The following KIF6 variants were observed in gnomAD, a reference collection of about 807,000 sequenced individuals.
KIF6 encodes the protein kinesin family member 6.
Under a neutral mutation model 112.7 loss-of-function variants are expected in KIF6, and 106 were observed. That is an observed-to-expected ratio of 0.94 (90% CI 0.80 to 1.11). The LOEUF (loss-of-function observed/expected upper bound fraction) is 1.11, where lower values mean the gene tolerates loss of function less well. KIF6 is among the 50% of genes least tolerant of loss of function. The probability of loss-of-function intolerance (pLI) is 0.00; values close to 1 mark genes in which losing one functional copy is unlikely to be tolerated. For missense variants in KIF6, 929 were observed against 964.0 expected, an observed-to-expected ratio of 0.96 and a Z score of 0.48; for synonymous variants, 339 against 339.9, an observed-to-expected ratio of 1.00 and a Z score of 0.03.
intron 5 of KIF6, among the ~76,000 whole-genome samples, chr6:39,632,225 C>T (rs1433988189): frequency 6.6e-6 from 1 of 152,044 alleles, no homozygotes; most frequent in African/African-American, 2.4e-5. Flanking sequence ...AGAAGAGCGT[C>T]TCGCAGGTGA....
rs1561838543 is a variant in KIF6, at chr6:39,586,358, C to T, written c.893G>A (p.Arg298Lys). 1 of 1,614,070 alleles carries T rather than the reference C, an allele frequency of 6.2e-7. No homozygotes were observed. The highest frequency in any genetic ancestry group is 2.2e-5 in the East Asian group (1 of 44,878). The change falls in exon 8 of 23, where the codon AGA becomes AAA. Residue 298 changes from arginine (R) to lysine (K), a missense_variant. Transcript: ENST00000287152. ...SEKHRSHIPY[R>K]NSMMTSVLRD... ...TAGGACACTGGTCATCATGGAGTTTCTATAAGGAATGTGCGAACGGTGCTT... is the reference window on the plus strand; with the variant it reads ...TAGGACACTGGTCATCATGGAGTTTTTATAAGGAATGTGCGAACGGTGCTT...
chr6:39,671,173 G>A (rs1786795341), intron 3 of KIF6, among the ~76,000 whole-genome samples: 1 of 152,166 alleles, frequency 6.6e-6, no homozygotes, highest in African/African-American at 2.4e-5. Context: ...AAGCCAAAAA[G>A]GAAGAGTGAT....
chr6:39,361,777 G>A (rs1191014475), intron 17 of KIF6, among the ~76,000 whole-genome samples: 3 of 151,828 alleles, frequency 2.0e-5, no homozygotes, highest in Admixed American at 6.6e-5. Context: ...GGTGTGCGTC[G>A]GGGGGCAGGG....
chr6:39,559,426 T>C (rs1172902003), intron 10 of KIF6, among the ~76,000 whole-genome samples: 1 of 152,176 alleles, frequency 6.6e-6, no homozygotes, highest in Non-Finnish European at 1.5e-5. Flanking sequence ...AAAAGGACTA[T>C]ATTTGAATTA....
At chr6:39,607,789 G>C (rs955099592) in intron 6 of KIF6, among the ~76,000 whole-genome samples, 2 of 152,050 alleles carry the variant, frequency 1.3e-5, no homozygotes, top group Non-Finnish European at 2.9e-5. Context: ...TGTATATTTT[G>C]CTCTAACCAG....
Position 39,335,786 on chromosome 6 carries a change from G to C in KIF6, c.*746C>G, listed in dbSNP as rs1011151132. ...AGCCCAAATCCTCCCAAGTGGCTGG[G>C]TGAAGGTTGTGAGGCCCAAGGTACC... On this transcript the variant is annotated 3_prime_UTR_variant, in exon 23 of 23. Transcript: ENST00000287152. 2.6e-5 allele frequency: 4 copies of C among 152,398 alleles called. No homozygotes were observed. Among genetic ancestry groups the C allele is most frequent in the Admixed American group, 2.0e-4 (3 of 15,288 alleles). The allele number at this position is 152,398 out of a possible 1,614,324, so 9.4% of individuals were successfully genotyped here. A position where few individuals can be genotyped will look rare whatever the true frequency, so the allele number is the denominator to read the frequency against.
At chr6:39,448,498 C>T (rs1562225966) in intron 13 of KIF6, among the ~76,000 whole-genome samples, 1 of 152,170 alleles carries the variant, frequency 6.6e-6, no homozygotes, top group Non-Finnish European at 1.5e-5. Context: ...TTAAGTGACA[C>T]TGATATTTTG....
At chr6:39,613,162 A>C in intron 6 of KIF6, 27 bp downstream of exon 6, 1 of 1,535,860 alleles carries the variant, frequency 6.5e-7, no homozygotes, top group Non-Finnish European at 8.7e-7. Context: ...ATGTTGAAGA[A>C]ACAGCTTGCA....
At chr6:39,621,060 C>T (rs1177831454) in intron 5 of KIF6, among the ~76,000 whole-genome samples, 1 of 152,020 alleles carries the variant, frequency 6.6e-6, no homozygotes, top group Admixed American at 6.6e-5. Context: ...TGAGCCACCG[C>T]ACCCAGCCTA....
intron 10 of KIF6, among the ~76,000 whole-genome samples, chr6:39,559,830 A>T (rs1006528092): frequency 7.1e-6 from 1 of 140,862 alleles, no homozygotes; most frequent in African/African-American, 2.6e-5. Context: ...GTGGTACTTT[A>T]AAAAAAAAAA....
At chr6:39,372,105 TTGA>T (rs1333852696) in intron 16 of KIF6, among the ~76,000 whole-genome samples, 1 of 152,228 alleles carries the variant, frequency 6.6e-6, no homozygotes, top group Non-Finnish European at 1.5e-5. Flanking sequence ...GTCTTATCTC[TTGA>T]TGAAATTGGA....
At chr6:39,385,423 G>T (rs1300736141) in intron 16 of KIF6, among the ~76,000 whole-genome samples, 199 bp downstream of exon 16, 2 of 152,152 alleles carry the variant, frequency 1.3e-5, no homozygotes, top group Non-Finnish European at 2.9e-5. Flanking sequence ...CTGATGGCCA[G>T]GCGCAAGAAC....
chr6:39,428,925 T>C (rs1254798295), intron 14 of KIF6, among the ~76,000 whole-genome samples: 12 of 152,224 alleles, frequency 7.9e-5, no homozygotes, highest in Admixed American at 4.6e-4. Context: ...TCCTTGGCCA[T>C]GAATAGCCAA....
chr6:39,686,866 G>A (rs548146095), intron 3 of KIF6, among the ~76,000 whole-genome samples: 1 of 152,132 alleles, frequency 6.6e-6, no homozygotes, highest in Non-Finnish European at 1.5e-5. Context: ...GTGTATACCT[G>A]AGACTAGTAT....
chr6:39,699,085 T>C (rs1258771724), intron 3 of KIF6, among the ~76,000 whole-genome samples: 5 of 152,214 alleles, frequency 3.3e-5, no homozygotes, highest in Non-Finnish European at 7.3e-5. Context: ...TTATATGTGA[T>C]TGGGAATCAT....
chr6:39,558,614 G>A (rs563086321), intron 10 of KIF6, among the ~76,000 whole-genome samples: 4 of 152,062 alleles, frequency 2.6e-5, no homozygotes, highest in African/African-American at 9.7e-5. Flanking sequence ...AAAGAGCAAG[G>A]AACATTAACA....
chr6:39,499,771 A>G (rs535941746), intron 13 of KIF6, among the ~76,000 whole-genome samples: 1 of 152,216 alleles, frequency 6.6e-6, no homozygotes, highest in African/African-American at 2.4e-5. Flanking sequence ...GTCCTCTTCA[A>G]CCTCCCTCAT....
rs560172961 is a variant in KIF6, at chr6:39,590,210, C to G, written c.847-3806G>C. The stretch of plus-strand genomic sequence containing the variant: ...CCCAAATACCCAAACAGGGGCTGGG[C>G]TGACAGTTGTGCAGACAGTGTGGCA... On this transcript the variant is annotated intron_variant, in intron 7 of 22. Coordinates refer to ENST00000287152, the MANE Select transcript of KIF6 (RefSeq NM_145027.6). 2.6e-5 allele frequency among the ~76,000 whole-genome samples: 4 copies of G among 152,194 alleles called. No individual in the cohort carries two copies. In the South Asian group the frequency reaches 8.3e-4, roughly 32 times the overall value.
intron 3 of KIF6, among the ~76,000 whole-genome samples, chr6:39,698,484 G>A (rs1205319264): frequency 6.6e-6 from 1 of 152,154 alleles, no homozygotes. Context: ...GCTTGAGAGT[G>A]AATACAAGTT....
Sources: allele counts gnomAD v4.1 joint callset (sites outside exome capture counted in the v4.1 genomes callset), GRCh38; gene constraint gnomAD v4.1.1; transcripts MANE v1.5; gene names NCBI Gene and HGNC (gene_info 2026-07-23, HGNC 2026-07-21).